The following OPRM1 variants were observed in gnomAD, a reference collection of about 807,000 sequenced individuals.
OPRM1 encodes mu-type opioid receptor.
OPRM1 carries 27 observed loss-of-function variants against 31.8 expected under a neutral mutation model. The observed-to-expected ratio is 0.85, with a 90% CI of 0.63 to 1.17. The LOEUF is 1.17. Among genes scored for constraint, OPRM1 ranks in the 50% most tolerant of loss-of-function variants. The pLI, the probability that OPRM1 is intolerant of heterozygous loss-of-function variation, is 0.00. For missense variants in OPRM1, 536 were observed against 511.1 expected (o/e 1.05, Z -0.47); for synonymous variants, 196 against 189.9 (o/e 1.03, Z -0.26).
intron 3 of OPRM1, among the ~76,000 whole-genome samples, chr6:154,111,395 C>T (rs1796347464): frequency 6.6e-6 from 1 of 152,120 alleles, no homozygotes. Context: ...TCAATTGTAA[C>T]TTTGAATGGC....
downstream of OPRM1, among the ~76,000 whole-genome samples, chr6:154,136,984 A>G (rs1018314120): frequency 1.3e-5 from 2 of 152,246 alleles, no homozygotes; most frequent in Middle Eastern, 3.2e-3. Context: ...ACATACATCA[A>G]GTATGGACTA....
chr6:154,026,568 T>C (rs1424413597), intron 1 of OPRM1, among the ~76,000 whole-genome samples: 1 of 152,186 alleles, frequency 6.6e-6, no homozygotes, highest in East Asian at 1.9e-4. Flanking sequence ...GGCCAATAAC[T>C]CTTAGATTTG....
intron 3 of OPRM1, among the ~76,000 whole-genome samples, chr6:154,115,265 C>T (rs551274439): frequency 7.4e-4 from 113 of 152,232 alleles, no homozygotes; most frequent in African/African-American, 2.6e-3. Context: ...CATAAGGCGG[C>T]GCAGTGGCTC....
intron 3 of OPRM1, among the ~76,000 whole-genome samples, chr6:154,161,651 C>T (rs758660675): frequency 2.6e-5 from 4 of 152,210 alleles, no homozygotes; most frequent in Non-Finnish European, 5.9e-5. Context: ...CCTCTGAGAA[C>T]TTACCGAGGT....
At chr6:154,145,859 G>T (rs1798346122) in intron 3 of OPRM1, among the ~76,000 whole-genome samples, 1 of 152,178 alleles carries the variant, frequency 6.6e-6, no homozygotes, top group Non-Finnish European at 1.5e-5. Context: ...TTTGACAAAG[G>T]TGTGAAAGCA....
chr6:154,064,988 A>G (rs1185509917), intron 1 of OPRM1, among the ~76,000 whole-genome samples: 3 of 152,112 alleles, frequency 2.0e-5, no homozygotes, highest in East Asian at 1.9e-4. Context: ...TTAAGATTCC[A>G]TATGAATTTC....
At chr6:154,113,368 A>G (rs1466896123) in intron 3 of OPRM1, among the ~76,000 whole-genome samples, 3 of 152,176 alleles carry the variant, frequency 2.0e-5, no homozygotes, top group African/African-American at 7.2e-5. Context: ...GAGTGGCGCC[A>G]TTGCCAATTA....
At chr6:154,108,768 A>T in intron 3 of OPRM1, 1 of 985,302 alleles carries the variant, frequency 1.0e-6, no homozygotes. Flanking sequence ...CCCGCTTTAT[A>T]AACTTTTAAT....
chr6:154,233,135 A>G (rs1779854612), intron 3 of OPRM1, among the ~76,000 whole-genome samples: 1 of 152,000 alleles, frequency 6.6e-6, no homozygotes, highest in Non-Finnish European at 1.5e-5. Context: ...CGCCCAGCTA[A>G]TTTTTGTATT....
At chr6:154,093,431 A>G in intron 3 of OPRM1, 2 of 1,613,876 alleles carry the variant, frequency 1.2e-6, no homozygotes, top group Non-Finnish European at 1.7e-6. Flanking sequence ...CTGGTGGAGC[A>G]TTTCTCCTGA....
intron 3 of OPRM1, among the ~76,000 whole-genome samples, chr6:154,219,399 A>G (rs1320651107): frequency 2.0e-5 from 3 of 152,172 alleles, no homozygotes; most frequent in African/African-American, 7.2e-5. Flanking sequence ...TGGAGCTACA[A>G]GGCACTTTTA....
At chr6:154,169,953 A>G (rs980506891) in intron 3 of OPRM1, among the ~76,000 whole-genome samples, 1 of 152,212 alleles carries the variant, frequency 6.6e-6, no homozygotes, top group Non-Finnish European at 1.5e-5. Context: ...TATCCCAAGA[A>G]TAATGATATG....
intron 1 of OPRM1, among the ~76,000 whole-genome samples, chr6:154,025,559 C>A (rs1778646173): frequency 6.6e-6 from 1 of 151,890 alleles, no homozygotes; most frequent in Non-Finnish European, 1.5e-5. Context: ...TTATTCCTCC[C>A]ATTTGGTTAT....
intron 3 of OPRM1, among the ~76,000 whole-genome samples, chr6:154,109,269 C>A (rs1465107906): frequency 6.6e-6 from 1 of 152,134 alleles, no homozygotes; most frequent in African/African-American, 2.4e-5. Context: ...TGGACTCAAC[C>A]AACATAGCCC....
chr6:154,237,930 G>A (rs1449334876), intron 3 of OPRM1, among the ~76,000 whole-genome samples: 1 of 151,996 alleles, frequency 6.6e-6, no homozygotes, highest in East Asian at 1.9e-4. Flanking sequence ...TTATTTTTAA[G>A]TTAGTGTGTG....
chr6:154,162,167 G>GC (rs1799080028), intron 3 of OPRM1, among the ~76,000 whole-genome samples: 1 of 152,124 alleles, frequency 6.6e-6, no homozygotes, highest in African/African-American at 2.4e-5. Context: ...GGGCACAATG[G>GC]CCCCCGCTCT....
chr6:154,199,093 A>G (rs563705117), intron 3 of OPRM1, among the ~76,000 whole-genome samples: 1 of 152,340 alleles, frequency 6.6e-6, no homozygotes, highest in African/African-American at 2.4e-5. Flanking sequence ...TTCCTTTGTT[A>G]AGACTTAAAA....
intron 3 of OPRM1, among the ~76,000 whole-genome samples, chr6:154,202,034 A>T (rs191085127): frequency 2.0e-5 from 3 of 152,342 alleles, no homozygotes; most frequent in Admixed American, 2.0e-4. Context: ...CCTTCTTCCA[A>T]ATCAATATGG....
intron 1 of OPRM1, among the ~76,000 whole-genome samples, chr6:154,013,811 A>G (rs965963429): frequency 1.3e-5 from 2 of 152,248 alleles, no homozygotes; most frequent in South Asian, 2.1e-4. Context: ...TGAGCAGGTT[A>G]TCAAGGCTTT....
Sources: allele counts gnomAD v4.1 joint callset (sites outside exome capture counted in the v4.1 genomes callset), GRCh38; gene constraint gnomAD v4.1.1; transcripts MANE v1.5; gene names NCBI Gene and HGNC (gene_info 2026-07-23, HGNC 2026-07-21).